NECAB2: variants seen among roughly 807,000 people sequenced by gnomAD.
NECAB2 encodes N-terminal EF-hand calcium binding protein 2.
A neutral mutation model predicts 51.9 loss-of-function variants in NECAB2; 68 were observed. The observed-to-expected ratio is 1.31, with a 90% confidence interval of 1.08 to 1.60. NECAB2 has a LOEUF of 1.60. Ranked by LOEUF, NECAB2 falls within the 40% of genes most tolerant of loss-of-function variation. The pLI, the probability that NECAB2 is intolerant of heterozygous loss-of-function variation, is 0.00. For missense variants in NECAB2, 854 were observed against 490.3 expected (o/e 1.74, Z -7.00); for synonymous variants, 329 against 203.5 (o/e 1.62, Z -5.25).
intron 1 of NECAB2, among the ~76,000 whole-genome samples, chr16:83,970,863 C>T (rs911953482): frequency 6.6e-6 from 1 of 152,090 alleles, no homozygotes; most frequent in African/African-American, 2.4e-5. Flanking sequence ...GAGGCCGAGG[C>T]GGGTGGATCA....
Position 83,978,676 on chromosome 16 carries a change from C to T in NECAB2, c.335+124C>T, listed in dbSNP as rs1039902693. 7.5e-6 allele frequency: 6 copies of T among 801,316 alleles called. No homozygotes were observed. In the African/African-American group the frequency reaches 8.8e-5, roughly 12 times the overall value. 49.6% of individuals were successfully genotyped at this position (801,316 alleles called of 1,614,324 possible). A position where few individuals can be genotyped will look rare whatever the true frequency, so the allele number is the denominator to read the frequency against. Reference sequence around the variant, plus strand: ...GGAGAACTGAAAATCCCCAAATTTGCTAATCCAGAAGTCAGCTCTTCACTG... The same window carrying T: ...GGAGAACTGAAAATCCCCAAATTTGTTAATCCAGAAGTCAGCTCTTCACTG... On this transcript the variant is annotated intron_variant, in intron 3 of 12. Transcript: ENST00000305202.
intron 3 of NECAB2, among the ~76,000 whole-genome samples, chr16:83,980,388 C>CTTCT (rs2084470983): frequency 6.6e-6 from 1 of 152,082 alleles, no homozygotes; most frequent in South Asian, 2.1e-4. Flanking sequence ...GGATATGGGA[C>CTTCT]CCAGGGGCTG....
chr16:83,969,843 C>A (rs1336419856), intron 1 of NECAB2, among the ~76,000 whole-genome samples: 2 of 152,108 alleles, frequency 1.3e-5, no homozygotes, highest in African/African-American at 4.8e-5. Context: ...AATGTGCACA[C>A]GCGTGTATCG....
At position 83,998,280 on chromosome 16, in the gene NECAB2, T is replaced by G. The variant is rs746634015; in HGVS notation, c.925T>G (p.Tyr309Asp). ...LSEFLDSLRQ[Y>D]LRGTTGVRNC... ...CGAGTTTCTGGACTCTCTGCGCCAG[T>G]ATCTGCGGGGGACCACTGGCGTGAG... is the stretch of plus-strand genomic sequence containing the variant. Residue 309 changes from tyrosine to aspartate, a missense_variant, in exon 10 of 13, where the codon TAT becomes GAT. Physicochemically the swap from Tyr to Asp is radical, Grantham distance 160. Transcript: ENST00000305202. 5.6e-6 allele frequency: 9 copies of G among 1,613,328 alleles called. No homozygotes were observed. Among genetic ancestry groups the G allele is most frequent in the African/African-American group, 5.3e-5 (4 of 74,872 alleles).
chr16:83,972,109 C>G (rs764520534), intron 1 of NECAB2, 42 bp from the exon 2 acceptor site: 10 of 1,612,480 alleles, frequency 6.2e-6, no homozygotes, highest in East Asian at 2.2e-5. Context: ...AAGCGCTTGC[C>G]TCTCCCTGGC....
Position 83,968,768 on chromosome 16 carries a change from G to T in NECAB2, c.120G>T (p.Glu40Asp). The change falls in exon 1 of 13, where the codon GAG becomes GAT. Residue 40 changes from glutamate to aspartate, a missense_variant. Glu to Asp is a conservative substitution (Grantham distance 45). Transcript: ENST00000305202. ...GCTGGGTGGGCGCCAGGATGGGCGAGCCCCGGGAGTCGCTGGCCCCCGCCG... is the reference window on the plus strand; with the variant it reads ...GCTGGGTGGGCGCCAGGATGGGCGATCCCCGGGAGTCGCTGGCCCCCGCCG... ...LLRWVGARMG[E>D]PRESLAPAAP... 12 of 1,096,876 alleles carry T rather than the reference G, an allele frequency of 1.1e-5. No homozygotes were observed. Among genetic ancestry groups the T allele is most frequent in the Middle Eastern group, 4.0e-4 (1 of 2,510 alleles). 67.9% of individuals were successfully genotyped at this position (1,096,876 alleles called of 1,614,324 possible).
intron 5 of NECAB2, among the ~76,000 whole-genome samples, chr16:83,983,717 T>C (rs1008097593): frequency 5.8e-4 from 89 of 152,304 alleles, no homozygotes; most frequent in Non-Finnish European, 4.7e-4. Flanking sequence ...ACTGAGTCCT[T>C]GTCATGAGCC....
intron 3 of NECAB2, among the ~76,000 whole-genome samples, chr16:83,979,252 G>T (rs1360381119): frequency 3.9e-5 from 6 of 152,156 alleles, no homozygotes; most frequent in Admixed American, 3.9e-4. Context: ...GCCCCACCTG[G>T]TCTCCTTTCT....
intron 5 of NECAB2, among the ~76,000 whole-genome samples, chr16:83,987,748 C>G (rs1020617447): frequency 5.3e-5 from 8 of 151,940 alleles, no homozygotes; most frequent in African/African-American, 1.5e-4. Context: ...TAGTTAATAC[C>G]TTGTGGCAAA....
rs1356335562 is a variant in NECAB2 at position 84,002,340 on chromosome 16, G to GGACT, written c.1159_*1dup. 1.9e-6 allele frequency: 3 copies of GGACT among 1,613,940 alleles called. No individual in the cohort carries two copies. Among genetic ancestry groups the GGACT allele is most frequent in the African/African-American group, 1.3e-5 (1 of 74,998 alleles). On this transcript the variant is annotated frameshift_variant, in exon 13 of 13. Coordinates refer to ENST00000305202, the MANE Select transcript of NECAB2 (RefSeq NM_019065.3). LOFTEE classifies it high-confidence loss of function. ...TAGCTGCTTGGTGCACGGTGGGACG[G>GGACT]GACTGACAGCCTCCCAGAGGCCCGT...
At chr16:83,992,521 A>C (rs1029641096) in intron 6 of NECAB2, among the ~76,000 whole-genome samples, 3 of 152,194 alleles carry the variant, frequency 2.0e-5, no homozygotes, top group African/African-American at 7.2e-5. Flanking sequence ...TCGGCACCCA[A>C]GCTCGATTGA....
intron 10 of NECAB2, 83 bp downstream of exon 10, chr16:83,998,400 G>GC: frequency 7.5e-7 from 1 of 1,336,416 alleles, no homozygotes; most frequent in Non-Finnish European, 1.0e-6. Flanking sequence ...ACTAGGCTTT[G>GC]CCCTAAGTAG....
chr16:84,001,881 G>A lies in NECAB2; in HGVS notation c.1097G>A (p.Ser366Asn), dbSNP rs200854041. 2.5e-5 allele frequency: 41 copies of A among 1,613,988 alleles called. No homozygotes were observed. Among genetic ancestry groups the A allele is most frequent in the Non-Finnish European group, 2.8e-5 (33 of 1,179,954 alleles). Reference protein sequence around the residue: ...AFRHVKVDTLSQPEALSRILV... With the variant: ...AFRHVKVDTLNQPEALSRILV... ...CGGCACGTCAAGGTGGACACACTGA[G>A]CCAGCCTGAGGCCCTCTCCAGGATC... The change falls in exon 12 of 13, where the codon AGC (serine) becomes AAC (asparagine). Residue 366 changes from serine to asparagine, a missense_variant. Physicochemically the swap from Ser to Asn is conservative, Grantham distance 46 (BLOSUM62 1). Coordinates refer to ENST00000305202, the MANE Select transcript of NECAB2 (RefSeq NM_019065.3).
At chr16:84,001,530 G>C (rs1010581968) in intron 11 of NECAB2, among the ~76,000 whole-genome samples, 1 of 152,170 alleles carries the variant, frequency 6.6e-6, no homozygotes, top group Non-Finnish European at 1.5e-5. Context: ...GTCCCAGGCA[G>C]AGGATGGCCC....
chr16:83,979,170 C>G (rs912863164), intron 3 of NECAB2, among the ~76,000 whole-genome samples: 3 of 152,208 alleles, frequency 2.0e-5, no homozygotes, highest in Non-Finnish European at 4.4e-5. Flanking sequence ...CAATCTTGCC[C>G]TTTTCTTGGG....
intron 5 of NECAB2, among the ~76,000 whole-genome samples, chr16:83,987,341 G>C (rs2084569246): frequency 6.6e-6 from 1 of 152,092 alleles, no homozygotes; most frequent in African/African-American, 2.4e-5. Context: ...ATTGCGTTTT[G>C]TCATTAAATC....
At chr16:83,981,200 C>A (rs2084485340) in intron 5 of NECAB2, 73 bp downstream of exon 5, 3 of 1,415,104 alleles carry the variant, frequency 2.1e-6, no homozygotes, top group Non-Finnish European at 3.0e-6. Context: ...CCTAAGGATG[C>A]CTGGATTTTT....
chr16:83,973,287 T>C (rs1191680419), intron 2 of NECAB2, among the ~76,000 whole-genome samples: 1 of 152,096 alleles, frequency 6.6e-6, no homozygotes, highest in Non-Finnish European at 1.5e-5. Flanking sequence ...AGCACCCGCC[T>C]CATCCCTGGG....
intron 5 of NECAB2, among the ~76,000 whole-genome samples, chr16:83,984,376 A>C (rs2084526132): frequency 6.6e-6 from 1 of 152,032 alleles, no homozygotes; most frequent in African/African-American, 2.4e-5. Flanking sequence ...TTATTTTTAA[A>C]AATCTAAAAC....
Sources: gnomAD v4.1 joint callset for allele counts (sites outside exome capture counted in the v4.1 genomes callset) on GRCh38, gnomAD v4.1.1 for gene constraint, MANE v1.5 for transcripts, NCBI Gene and HGNC (gene_info 2026-07-23, HGNC 2026-07-21) for gene names.